Variants in DYM observed in about 807,000 individuals in gnomAD.
DYM encodes the protein dyggve-Melchior-Clausen syndrome protein.
DYM carries 78 observed loss-of-function variants against 93.1 expected under a neutral mutation model. The ratio of observed to expected loss-of-function variants is 0.84; its 90% CI spans 0.70 to 1.01. DYM has a LOEUF of 1.01. Among genes scored for constraint, DYM ranks in the 50% least tolerant of loss-of-function variants. The pLI is 0.00. For synonymous variants in DYM, 321 were observed against 319.7 expected, an observed-to-expected ratio of 1.00 and a Z score of -0.04; for missense variants, 789 against 845.0, an observed-to-expected ratio of 0.93 and a Z score of 0.82.
intron 17 of DYM, among the ~76,000 whole-genome samples, chr18:49,058,653 C>G (rs1456218470): frequency 6.6e-6 from 1 of 152,178 alleles, no homozygotes; most frequent in East Asian, 1.9e-4. Context: ...CACTGCTTAT[C>G]TCTTAAGGGA....
intron 1 of DYM, among the ~76,000 whole-genome samples, chr18:49,459,845 C>T (rs888960741): frequency 6.7e-6 from 1 of 150,316 alleles, no homozygotes; most frequent in African/African-American, 2.5e-5. Context: ...AAATCCACGG[C>T]GACTGAAAGT....
At chr18:49,416,538 G>A (rs1568407095) in intron 2 of DYM, among the ~76,000 whole-genome samples, 1 of 152,134 alleles carries the variant, frequency 6.6e-6, no homozygotes, top group East Asian at 1.9e-4. Context: ...ACTCAAATCA[G>A]GTGTTAATTT....
chr18:49,299,095 G>C (rs2060740377), intron 8 of DYM, among the ~76,000 whole-genome samples: 1 of 152,116 alleles, frequency 6.6e-6, no homozygotes, highest in African/African-American at 2.4e-5. Flanking sequence ...ATGTCCCAAT[G>C]TCATCCCCTA....
chr18:49,427,742 C>T (rs1023649955), intron 2 of DYM, among the ~76,000 whole-genome samples: 1 of 152,024 alleles, frequency 6.6e-6, no homozygotes, highest in South Asian at 2.1e-4. Context: ...TCTGAATGGA[C>T]AAACAAAATG....
chr18:49,332,096 C>G (rs2063347733), intron 7 of DYM, 90 bp from the exon 8 acceptor site: 1 of 1,307,354 alleles, frequency 7.6e-7, no homozygotes, highest in South Asian at 1.2e-5. Flanking sequence ...GCCATTAACA[C>G]TATCTGTTAA....
intron 17 of DYM, among the ~76,000 whole-genome samples, chr18:49,073,360 A>C (rs981855991): frequency 6.6e-6 from 1 of 152,240 alleles, no homozygotes; most frequent in Non-Finnish European, 1.5e-5. Context: ...TACTGAATTA[A>C]GGTAAACTTT....
chr18:49,051,522 T>C (rs1410381143), intron 17 of DYM, among the ~76,000 whole-genome samples: 2 of 152,226 alleles, frequency 1.3e-5, no homozygotes, highest in Non-Finnish European at 1.5e-5. Flanking sequence ...CAGGGTTCAC[T>C]TGAAGAAAGG....
chr18:49,425,620 G>C (rs2074203830), intron 2 of DYM, among the ~76,000 whole-genome samples: 1 of 151,992 alleles, frequency 6.6e-6, no homozygotes, highest in African/African-American at 2.4e-5. Flanking sequence ...CTACAGAATG[G>C]GAGAAAATTT....
chr18:49,198,477 A>T lies in DYM; in HGVS notation c.1625+11074T>A, dbSNP rs545669466. 3.9e-5 allele frequency among the ~76,000 whole-genome samples: 6 copies of T among 152,328 alleles called. No homozygotes were observed. In the East Asian group the frequency reaches 9.6e-4, roughly 24 times the overall value. ...GAATGGGAGAAAATTTTTGCCATCT[A>T]CCCATCTGACAAGGGGCTAATATCC... On this transcript the variant is annotated intron_variant, in intron 14 of 17. Transcript: ENST00000675505.
At chr18:49,446,225 C>T (rs929748077) in intron 1 of DYM, among the ~76,000 whole-genome samples, 4 of 151,944 alleles carry the variant, frequency 2.6e-5, no homozygotes, top group Admixed American at 1.3e-4. Context: ...AGTTCAAGAA[C>T]GGCCTGGGCA....
chr18:49,363,366 C>T, intron 5 of DYM, 133 bp from the exon 6 acceptor site: 2 of 725,348 alleles, frequency 2.8e-6, no homozygotes, highest in Non-Finnish European at 4.9e-6. Context: ...TAATGTTGAC[C>T]TCTGAATAAA....
chr18:49,158,147 A>G (rs1330455178), intron 15 of DYM, among the ~76,000 whole-genome samples: 13 of 152,178 alleles, frequency 8.5e-5, no homozygotes, highest in Admixed American at 8.5e-4. Flanking sequence ...TTCAATGAAG[A>G]CTGCCACAGT....
intron 8 of DYM, among the ~76,000 whole-genome samples, chr18:49,298,581 C>CA (rs34066907): frequency 0.41 from 54,834 of 134,378 alleles, 10,933 homozygotes; most frequent in Middle Eastern, 0.5. Context: ...AACTCCGTCT[C>CA]AAAAAAAAAA....
intron 6 of DYM, among the ~76,000 whole-genome samples, chr18:49,341,890 T>G (rs2147016433): frequency 6.6e-6 from 1 of 152,308 alleles, no homozygotes; most frequent in African/African-American, 2.4e-5. Context: ...GTGTCTGCTT[T>G]GAGAAGCTGA....
chr18:49,332,423 G>A (rs1196811153), intron 7 of DYM, among the ~76,000 whole-genome samples: 1 of 152,012 alleles, frequency 6.6e-6, no homozygotes, highest in Admixed American at 6.5e-5. Flanking sequence ...TTGAACTCCA[G>A]TTACTTTATC....
intron 15 of DYM, among the ~76,000 whole-genome samples, chr18:49,138,796 A>G (rs2084130801): frequency 6.6e-6 from 1 of 152,162 alleles, no homozygotes; most frequent in Admixed American, 6.6e-5. Context: ...GGTAAGTATT[A>G]ATACGATTTA....
At chr18:49,243,404 C>A (rs1033772565) in intron 13 of DYM, among the ~76,000 whole-genome samples, 5 of 152,126 alleles carry the variant, frequency 3.3e-5, no homozygotes, top group Non-Finnish European at 7.3e-5. Flanking sequence ...GTGGCTCACG[C>A]TTGTAATATG....
chr18:49,435,574 G>A (rs954056089), intron 1 of DYM, among the ~76,000 whole-genome samples: 3 of 152,052 alleles, frequency 2.0e-5, no homozygotes, highest in Admixed American at 6.6e-5. Flanking sequence ...GATCACCTGA[G>A]GTCAGGAGTT....
At chr18:49,431,953 ACT>A (rs1312216447) in intron 1 of DYM, 1 of 152,188 alleles carries the variant, frequency 6.6e-6, no homozygotes, top group African/African-American at 2.4e-5. Flanking sequence ...GGCCCCAATA[ACT>A]CAATTCAACT....
Sources: gnomAD v4.1 joint callset for allele counts (sites outside exome capture counted in the v4.1 genomes callset) on GRCh38, gnomAD v4.1.1 for gene constraint, MANE v1.5 for transcripts, NCBI Gene and HGNC (gene_info 2026-07-23, HGNC 2026-07-21) for gene names.